The following MAP3K1 variants were observed in gnomAD, a reference collection of about 807,000 sequenced individuals.
MAP3K1 encodes MAP/ERK kinase kinase 1.
Under a neutral mutation model 144.2 loss-of-function variants are expected in MAP3K1, and 36 were observed. The ratio of observed to expected loss-of-function variants is 0.25; its 90% CI spans 0.19 to 0.33. The LOEUF (loss-of-function observed/expected upper bound fraction) is 0.33, where lower values mean the gene tolerates loss of function less well. Among genes scored for constraint, MAP3K1 ranks in the 10% least tolerant of loss-of-function variants. MAP3K1 has a pLI of 1.00. For synonymous variants in MAP3K1, 718 were observed against 688.7 expected, an observed-to-expected ratio of 1.04 and a Z score of -0.67; for missense variants, 1,650 against 1,881.9, an observed-to-expected ratio of 0.88 and a Z score of 2.28.
At chr5:56,843,558 G>T (rs1231433355) in intron 1 of MAP3K1, among the ~76,000 whole-genome samples, 1 of 152,164 alleles carries the variant, frequency 6.6e-6, no homozygotes, top group Non-Finnish European at 1.5e-5. Context: ...GGTTTCTCAT[G>T]GCTTTTTTGC....
rs1748621370 is a variant in MAP3K1, at chr5:56,893,762, A to G, written c.*82A>G. The G allele has an allele frequency of 2.0e-6, 3 of 1,464,958 alleles. No individual in the cohort carries two copies. Among genetic ancestry groups the G allele is most frequent in the South Asian group, 2.4e-5 (2 of 85,006 alleles). 90.7% of individuals were successfully genotyped at this position (1,464,958 alleles called of 1,614,324 possible). A position where few individuals can be genotyped will look rare whatever the true frequency, so the allele number is the denominator to read the frequency against. On this transcript the variant is annotated 3_prime_UTR_variant, in exon 20 of 20. Coordinates refer to ENST00000399503, the MANE Select transcript of MAP3K1 (RefSeq NM_005921.2). ...TTGTGGGGAACCACATTGATATTCT[A>G]CTGGCCATGATGCCACTGAACAGCT...
Position 56,884,581 on chromosome 5 carries a change from A to T in MAP3K1, c.3820-83A>T, listed in dbSNP as rs893531437. The T allele has an allele frequency of 3.1e-6, 4 of 1,300,504 alleles. No homozygotes were observed. In the African/African-American group the frequency reaches 5.8e-5, roughly 19 times the overall value. The allele number at this position is 1,300,504 out of a possible 1,614,324, so 80.6% of individuals were successfully genotyped here. On this transcript the variant is annotated intron_variant, in intron 15 of 19. Transcript: ENST00000399503. Reference sequence around the variant, plus strand: ...CATAAATGCCATCTGTTGCTAATAAAGTGCTAGTTTGCATTTGTTCATTTT... The same window carrying T: ...CATAAATGCCATCTGTTGCTAATAATGTGCTAGTTTGCATTTGTTCATTTT...
At chr5:56,820,963 G>GT (rs1258242668) in intron 1 of MAP3K1, 589 of 253,658 alleles carry the variant, frequency 2.3e-3, no homozygotes, top group Middle Eastern at 4.0e-3. Context: ...GTTCAGGCAT[G>GT]TTTTTTTTTC....
At chr5:56,888,199 TTC>T (rs768678310) in intron 18 of MAP3K1, 25 bp from the exon 19 acceptor site, 48 of 1,610,398 alleles carry the variant, frequency 3.0e-5, no homozygotes, top group Non-Finnish European at 4.0e-5. Flanking sequence ...TGAGTCCTAT[TTC>T]CAAATTAACT....
intron 19 of MAP3K1, among the ~76,000 whole-genome samples, chr5:56,891,320 T>C (rs1748545434): frequency 6.6e-6 from 1 of 152,180 alleles, no homozygotes; most frequent in Admixed American, 6.5e-5. Context: ...GATTTTTCTT[T>C]ATATTACTTT....
At chr5:56,830,529 C>A (rs1258633597) in intron 1 of MAP3K1, among the ~76,000 whole-genome samples, 2 of 152,182 alleles carry the variant, frequency 1.3e-5, no homozygotes, top group African/African-American at 4.8e-5. Flanking sequence ...AAGCCTCTTA[C>A]ACTGGGTTCT....
intron 19 of MAP3K1, among the ~76,000 whole-genome samples, chr5:56,889,472 T>C (rs1368076565): frequency 6.6e-6 from 1 of 152,230 alleles, no homozygotes; most frequent in African/African-American, 2.4e-5. Context: ...TAATTTACTA[T>C]TTTGTATATT....
At position 56,893,929 on chromosome 5, in the gene MAP3K1, G is replaced by A; in HGVS notation, c.*249G>A. ...CAAAGAACTGGCCCTAGGTGAACAG[G>A]AAAACAATGAAGTTTGCATGACTAA... On this transcript the variant is annotated 3_prime_UTR_variant, in exon 20 of 20. Transcript: ENST00000399503. The A allele has an allele frequency of 3.8e-6, 2 of 527,904 alleles. No homozygotes were observed. Among genetic ancestry groups the A allele is most frequent in the Non-Finnish European group, 3.4e-6 (1 of 292,240 alleles). The allele number at this position is 527,904 out of a possible 1,614,324, so 32.7% of individuals were successfully genotyped here. A position where few individuals can be genotyped will look rare whatever the true frequency, so the allele number is the denominator to read the frequency against.
intron 1 of MAP3K1, among the ~76,000 whole-genome samples, chr5:56,819,266 AT>A (rs551081922): frequency 2.6e-5 from 4 of 152,186 alleles, no homozygotes; most frequent in Admixed American, 6.5e-5. Context: ...CTAAAACTCC[AT>A]TTTGTTAGAT....
At chr5:56,819,059 TTTAG>T (rs770208721) in intron 1 of MAP3K1, among the ~76,000 whole-genome samples, 14 of 152,224 alleles carry the variant, frequency 9.2e-5, no homozygotes, top group Non-Finnish European at 1.6e-4. Flanking sequence ...TTTGTAAGTT[TTTAG>T]TTAAGAATGG....
chr5:56,878,888 C>G, intron 10 of MAP3K1, 92 bp from the exon 11 acceptor site: 1 of 1,113,776 alleles, frequency 9.0e-7, no homozygotes, highest in East Asian at 2.4e-5. Flanking sequence ...TTCCTGTCTA[C>G]TTATTTTGTT....
At position 56,822,907 on chromosome 5, in the gene MAP3K1, C is replaced by T. The variant is rs537516399; in HGVS notation, c.482+6852C>T. ...CTCCTCTCACCTCGTCAGATTCAGACCATCCTTAGGTGCTGGCAGTTTGAC... is the reference window on the plus strand; with the variant it reads ...CTCCTCTCACCTCGTCAGATTCAGATCATCCTTAGGTGCTGGCAGTTTGAC... On this transcript the variant is annotated intron_variant, in intron 1 of 19. Coordinates refer to ENST00000399503, the MANE Select transcript of MAP3K1 (RefSeq NM_005921.2). Among the ~76,000 whole-genome samples, 5 of 152,290 alleles carry T rather than the reference C, an allele frequency of 3.3e-5. No individual in the cohort carries two copies. In the East Asian group the frequency reaches 9.7e-4, roughly 29 times the overall value.
At chr5:56,881,529 T>C in intron 13 of MAP3K1, 41 bp from the exon 14 acceptor site, 1 of 1,465,430 alleles carries the variant, frequency 6.8e-7, no homozygotes, top group Non-Finnish European at 9.5e-7. Flanking sequence ...TATTTTTCAG[T>C]AATTGGAACT....
Position 56,859,829 on chromosome 5 carries a change from A to G in MAP3K1, c.748A>G (p.Ser250Gly), listed in dbSNP as rs1291785101. The G allele has an allele frequency of 2.5e-5, 40 of 1,613,890 alleles. No individual in the cohort carries two copies. Among genetic ancestry groups the G allele is most frequent in the East Asian group, 4.5e-5 (2 of 44,860 alleles). The change falls in exon 3 of 20, where the codon AGT (serine) becomes GGT (glycine). Residue 250 changes from serine (S) to glycine (G), a missense_variant. By Grantham distance (56) the Ser-to-Gly change is moderately conservative. Around this residue, in one of 6 missense-constraint regions of MAP3K1, gnomAD observed 148 missense variants for 177.2 expected, o/e 0.84. Transcript: ENST00000399503. Reference protein sequence around the residue: ...AASPASKGRRSPSPGNSPSGR... With the variant: ...AASPASKGRRGPSPGNSPSGR... The stretch of plus-strand genomic sequence containing the variant: ...TTCACCAGCTTCCAAAGGCCGACGC[A>G]GTCCTTCTCCTGGCAACTCCCCATC...
intron 12 of MAP3K1, 36 bp from the exon 13 acceptor site, chr5:56,881,046 AT>A (rs758583940): frequency 6.6e-7 from 1 of 1,518,004 alleles, no homozygotes; most frequent in South Asian, 1.2e-5. Flanking sequence ...TAATATCACT[AT>A]TTTTTAATCA....
At chr5:56,856,897 A>C in intron 2 of MAP3K1, 147 bp downstream of exon 2, 2 of 886,636 alleles carry the variant, frequency 2.3e-6, no homozygotes, top group Non-Finnish European at 3.5e-6. Flanking sequence ...TTTGGAAGAA[A>C]CCATAATTAA....
chr5:56,874,364 G>A (rs1418452751), intron 9 of MAP3K1, among the ~76,000 whole-genome samples: 2 of 152,096 alleles, frequency 1.3e-5, no homozygotes, highest in African/African-American at 4.8e-5. Context: ...TTTGGGGCAT[G>A]GTATTGACGA....
rs1321140339 is a variant in MAP3K1, at chr5:56,894,606, A to T, written c.*926A>T. 4.3e-6 allele frequency: 1 copy of T among 232,318 alleles called. No individual in the cohort carries two copies. The highest frequency in any genetic ancestry group is 8.5e-6 in the Non-Finnish European group (1 of 117,576). The allele number at this position is 232,318 out of a possible 1,614,324, so 14.4% of individuals were successfully genotyped here. A position where few individuals can be genotyped will look rare whatever the true frequency, so the allele number is the denominator to read the frequency against. ...CAAGATTACCTTAAAATTTATTTGA[A>T]TTTTTTAGATGTTTTGGTTGTCAAA... On this transcript the variant is annotated 3_prime_UTR_variant, in exon 20 of 20. Coordinates refer to ENST00000399503, the MANE Select transcript of MAP3K1 (RefSeq NM_005921.2).
intron 1 of MAP3K1, chr5:56,817,094 A>G (rs944764382): frequency 9.1e-5 from 90 of 985,304 alleles, no homozygotes; most frequent in African/African-American, 1.6e-4. Context: ...CTTCTGGTGC[A>G]TATGAAGTAC....
Sources: gnomAD v4.1 joint callset for allele counts (sites outside exome capture counted in the v4.1 genomes callset) on GRCh38, gnomAD v4.1.1 for gene constraint, gnomAD v4.1.1 regional missense constraint, MANE v1.5 for transcripts, NCBI Gene and HGNC (gene_info 2026-07-23, HGNC 2026-07-21) for gene names.